TOPBP1: variants seen among roughly 807,000 people sequenced by gnomAD.
TOPBP1 encodes the protein DNA topoisomerase 2-binding protein 1.
A neutral mutation model predicts 167.7 loss-of-function variants in TOPBP1; 28 were observed. That is an observed-to-expected ratio of 0.17 (90% confidence interval 0.12 to 0.23). The LOEUF is 0.23. TOPBP1 is among the 10% of genes least tolerant of loss of function. The pLI is 1.00. For missense variants in TOPBP1, 1,554 were observed against 1,809.6 expected (o/e 0.86, Z 2.56); for synonymous variants, 598 against 611.4 (o/e 0.98, Z 0.32).
chr3:133,661,168 A>C, intron 1 of TOPBP1, 34 bp from the exon 2 acceptor site: 1 of 1,487,030 alleles, frequency 6.7e-7, no homozygotes, highest in Non-Finnish European at 9.0e-7. Context: ...ACAAGAACAA[A>C]ACCACATTAG....
At chr3:133,637,370 T>C (rs548477937) in intron 14 of TOPBP1, among the ~76,000 whole-genome samples, 1 of 152,120 alleles carries the variant, frequency 6.6e-6, no homozygotes, top group Non-Finnish European at 1.5e-5. Context: ...GCTCACGAGA[T>C]CAAACTAAAA....
At position 133,623,341 on chromosome 3, in the gene TOPBP1, G is replaced by T; in HGVS notation, c.3045C>A (p.Leu1015=). ...QDGRLCNSRL[L]SAVSSTKDDE... is the part of the protein sequence containing the mutation. Reference sequence around the variant, plus strand: ...CATCCTTTGTTGAAGACACAGCTGAGAGTAGTCGACTATTACAGAGCCGGC... The same window carrying T: ...CATCCTTTGTTGAAGACACAGCTGATAGTAGTCGACTATTACAGAGCCGGC... Residue 1015 remains leucine (L), a synonymous_variant, in exon 18 of 28, where the codon CTC becomes CTA. Transcript: ENST00000260810. 1.9e-6 allele frequency: 3 copies of T among 1,613,668 alleles called. No individual in the cohort carries two copies. Among genetic ancestry groups the T allele is most frequent in the Non-Finnish European group, 2.5e-6 (3 of 1,179,780 alleles).
intron 14 of TOPBP1, among the ~76,000 whole-genome samples, chr3:133,630,942 TCCAACACTTTGGGAGG>T (rs1935452659): frequency 2.0e-5 from 3 of 152,150 alleles, no homozygotes; most frequent in Admixed American, 2.0e-4. Flanking sequence ...CGCTTGTAAT[TCCAACACTTTGGGAGG>T]CCAAGGCAGA....
chr3:133,653,058 G>A (rs963094048), intron 7 of TOPBP1, among the ~76,000 whole-genome samples: 9 of 152,182 alleles, frequency 5.9e-5, no homozygotes, highest in African/African-American at 1.9e-4. Context: ...ATGTTTAAAA[G>A]ATTAATACTT....
intron 12 of TOPBP1, among the ~76,000 whole-genome samples, chr3:133,641,864 G>A (rs535355789): frequency 2.0e-4 from 31 of 152,072 alleles, no homozygotes; most frequent in Non-Finnish European, 3.5e-4. Context: ...ACAGCTATAC[G>A]AATTATTATA....
intron 14 of TOPBP1, among the ~76,000 whole-genome samples, chr3:133,629,142 A>T (rs1281285017): frequency 6.6e-6 from 1 of 152,304 alleles, no homozygotes; most frequent in African/African-American, 2.4e-5. Context: ...TTAGAAAGTC[A>T]AAATGAGCTG....
chr3:133,611,231 T>C (rs1934665353), intron 24 of TOPBP1, 90 bp from the exon 25 acceptor site: 1 of 1,214,128 alleles, frequency 8.2e-7, no homozygotes, highest in Non-Finnish European at 1.1e-6. Flanking sequence ...CAAAGTCTAA[T>C]AACTGTTAAA....
intron 23 of TOPBP1, among the ~76,000 whole-genome samples, chr3:133,613,677 AAAG>A (rs1225799755): frequency 2.6e-5 from 4 of 152,240 alleles, no homozygotes; most frequent in East Asian, 1.9e-4. Context: ...GACTTTGAGG[AAAG>A]AAGAAGGCAT....
intron 23 of TOPBP1, among the ~76,000 whole-genome samples, chr3:133,614,985 TAAAA>T (rs1216433698): frequency 1.4e-5 from 2 of 144,440 alleles, no homozygotes; most frequent in Non-Finnish European, 3.0e-5. Flanking sequence ...ATAATAATAA[TAAAA>T]AAATAAAAAA....
intron 14 of TOPBP1, among the ~76,000 whole-genome samples, chr3:133,630,909 T>C (rs746219442): frequency 6.6e-6 from 1 of 152,196 alleles, no homozygotes; most frequent in Non-Finnish European, 1.5e-5. Flanking sequence ...AATCTGATCA[T>C]CTAGGCTGGG....
chr3:133,655,283 G>GT lies in TOPBP1; in HGVS notation c.742+6dup. Reference sequence around the variant, plus strand: ...TTCATTTGTCCCTTTGTGAAACACAGTTTTACCTTTTGGTTCTTGCACAAT... The same window carrying GT: ...TTCATTTGTCCCTTTGTGAAACACAGTTTTTACCTTTTGGTTCTTGCACAAT... On this transcript the variant is annotated splice_region_variant and intron_variant, in intron 6 of 27. Transcript: ENST00000260810. 1 of 1,397,228 alleles carries GT rather than the reference G, an allele frequency of 7.2e-7. No homozygotes were observed. Among genetic ancestry groups the GT allele is most frequent in the Non-Finnish European group, 9.4e-7 (1 of 1,066,678 alleles). 86.6% of individuals were successfully genotyped at this position (1,397,228 alleles called of 1,614,324 possible).
intron 16 of TOPBP1, among the ~76,000 whole-genome samples, chr3:133,626,574 G>A (rs1935273914): frequency 6.6e-6 from 1 of 152,108 alleles, no homozygotes; most frequent in African/African-American, 2.4e-5. Context: ...TTACAAAAAT[G>A]TGACTACTGT....
chr3:133,639,377 C>T (rs547764623), intron 13 of TOPBP1, among the ~76,000 whole-genome samples: 5 of 152,124 alleles, frequency 3.3e-5, no homozygotes, highest in Non-Finnish European at 5.9e-5. Context: ...AACCAAACAC[C>T]GCATGTTCTC....
At chr3:133,660,689 T>C (rs765597403) in intron 2 of TOPBP1, among the ~76,000 whole-genome samples, 15 of 152,156 alleles carry the variant, frequency 9.9e-5, no homozygotes, top group Non-Finnish European at 1.8e-4. Context: ...AACATAATTT[T>C]TAACAATTAA....
At chr3:133,613,186 C>T (rs1391082296) in intron 23 of TOPBP1, among the ~76,000 whole-genome samples, 1 of 152,142 alleles carries the variant, frequency 6.6e-6, no homozygotes, top group Non-Finnish European at 1.5e-5. Context: ...AAAGCAAATT[C>T]TAGATACCAT....
In TOPBP1 at chr3:133,628,671, C is replaced by T. The variant is rs751788086; in HGVS notation, c.2583G>A (p.Thr861=). 27 of 1,569,452 alleles carry T rather than the reference C, an allele frequency of 1.7e-5. No homozygotes were observed. Among genetic ancestry groups the T allele is most frequent in the East Asian group, 4.7e-5 (2 of 42,568 alleles). ...RPSQQKRKPS[T]PLSEVIVKNL... Reference sequence around the variant, plus strand: ...TTTTGACAATAACTTCTGAGAGTGGCGTACTCGGTTTCCTTTTCTGTTGGC... The same window carrying T: ...TTTTGACAATAACTTCTGAGAGTGGTGTACTCGGTTTCCTTTTCTGTTGGC... The change falls in exon 15 of 28, where the codon ACG becomes ACA. Residue 861 remains threonine (T), a synonymous_variant. Transcript: ENST00000260810.
intron 8 of TOPBP1, among the ~76,000 whole-genome samples, chr3:133,650,329 G>A (rs1320038898): frequency 7.5e-6 from 1 of 133,330 alleles, no homozygotes; most frequent in South Asian, 2.4e-4. Flanking sequence ...TTAACTGTCT[G>A]AATTCTGAAC....
Position 133,649,772 on chromosome 3 carries a change from A to C in TOPBP1, c.1253+8T>G. Reference sequence around the variant, plus strand: ...TAGAAATTGCTTTGAATTAAAAACGAAAAAAACCTGTGGGCTGATTTATTC... The same window carrying C: ...TAGAAATTGCTTTGAATTAAAAACGCAAAAAACCTGTGGGCTGATTTATTC... On this transcript the variant is annotated splice_region_variant and intron_variant, in intron 9 of 27. Coordinates refer to ENST00000260810, the MANE Select transcript of TOPBP1 (RefSeq NM_007027.4). 6.3e-7 allele frequency: 1 copy of C among 1,584,734 alleles called. No individual in the cohort carries two copies. Among genetic ancestry groups the C allele is most frequent in the Non-Finnish European group, 8.5e-7 (1 of 1,170,904 alleles).
intron 14 of TOPBP1, among the ~76,000 whole-genome samples, chr3:133,631,552 C>G (rs894901863): frequency 1.2e-4 from 19 of 152,146 alleles, no homozygotes; most frequent in Admixed American, 7.2e-4. Flanking sequence ...TCATGTTGAA[C>G]TGTAATCCCC....
Sources: gnomAD v4.1 joint callset for allele counts (sites outside exome capture counted in the v4.1 genomes callset) on GRCh38, gnomAD v4.1.1 for gene constraint, MANE v1.5 for transcripts, NCBI Gene and HGNC (gene_info 2026-07-23, HGNC 2026-07-21) for gene names.